PCDHGB3: variants seen among roughly 807,000 people sequenced by gnomAD.
PCDHGB3 encodes protocadherin gamma-B3.
Under a neutral mutation model 59.2 loss-of-function variants are expected in PCDHGB3, and 40 were observed. The observed-to-expected ratio is 0.68, with a 90% confidence interval of 0.52 to 0.88. The LOEUF (loss-of-function observed/expected upper bound fraction) is 0.88. Ranked by LOEUF, PCDHGB3 falls within the 40% of genes least tolerant of loss-of-function variation. The pLI is 0.00. For synonymous variants in PCDHGB3, 581 were observed against 503.6 expected, an observed-to-expected ratio of 1.15 and a Z score of -2.06; for missense variants, 1,309 against 1,187.9, an observed-to-expected ratio of 1.10 and a Z score of -1.50.
chr5:141,381,354 G>T (rs1163041754), intron 1 of PCDHGB3, among the ~76,000 whole-genome samples: 1 of 152,202 alleles, frequency 6.6e-6, no homozygotes, highest in Admixed American at 6.5e-5. Context: ...CTTTCTGCTA[G>T]CAGAGGGTAG....
intron 2 of PCDHGB3, among the ~76,000 whole-genome samples, chr5:141,502,829 C>A (rs1034808123): frequency 2.0e-5 from 3 of 150,428 alleles, no homozygotes; most frequent in African/African-American, 7.4e-5. Context: ...CTTGGGGAAG[C>A]CTGGACTGGC....
intron 1 of PCDHGB3, chr5:141,375,654 A>G (rs1771718244): frequency 6.2e-7 from 1 of 1,614,106 alleles, no homozygotes. Context: ...GACTATGAGC[A>G]GTTGAGAGAC....
rs764742899 is a variant in PCDHGB3, at chr5:141,487,062, C to T, written c.2416-7745C>T. On this transcript the variant is annotated intron_variant, in intron 1 of 3. Transcript: ENST00000576222. This position sits in a 1 kb window ranked among gnomAD's most constrained non-coding sequence, Gnocchi z 5.0. Reference sequence around the variant, plus strand: ...TCTCGATATGCTGGGGAGGTGCGGACGGCTGTTCCTATCCCAGCTGACCTC... The same window carrying T: ...TCTCGATATGCTGGGGAGGTGCGGATGGCTGTTCCTATCCCAGCTGACCTC... 2.8e-5 allele frequency: 45 copies of T among 1,613,980 alleles called. No homozygotes were observed. Among genetic ancestry groups the T allele is most frequent in the East Asian group, 1.3e-4 (6 of 44,874 alleles).
At position 141,490,148 on chromosome 5, in the gene PCDHGB3, A is replaced by G. The variant is rs2154582223; in HGVS notation, c.2416-4659A>G. The G allele has an allele frequency of 1.2e-6, 2 of 1,614,232 alleles. No homozygotes were observed. The highest frequency in any genetic ancestry group is 4.5e-5 in the East Asian group (2 of 44,888). On this transcript the variant is annotated intron_variant, in intron 1 of 3. Coordinates refer to ENST00000576222, the MANE Select transcript of PCDHGB3 (RefSeq NM_018924.5). The surrounding 1 kb of genome is among the most constrained non-coding windows in gnomAD (Gnocchi z 5.4). The stretch of plus-strand genomic sequence containing the variant: ...CTAGACCCTAGCAGTGGGGCAATCC[A>G]TGTGTTGGGTCCCATAGACTTTGAG...
At chr5:141,480,873 C>T (rs1026513782) in intron 1 of PCDHGB3, among the ~76,000 whole-genome samples, 5 of 152,050 alleles carry the variant, frequency 3.3e-5, no homozygotes, top group Non-Finnish European at 7.4e-5. Context: ...GGTGAAACCC[C>T]GTCTCTACTA....
intron 1 of PCDHGB3, chr5:141,427,102 C>T (rs1363595185): frequency 6.6e-6 from 3 of 457,858 alleles, no homozygotes; most frequent in South Asian, 3.1e-5. Flanking sequence ...GGTGTCAATG[C>T]GGAGATCACC....
At position 141,485,073 on chromosome 5, in the gene PCDHGB3, C is replaced by T. The variant is rs1167407526; in HGVS notation, c.2416-9734C>T. ...CGGCCGAACCGCGCCAGAGCTGGCG[C>T]GGGGAAAGGGAGATAGGTGTCTCCA... On this transcript the variant is annotated intron_variant, in intron 1 of 3. Transcript: ENST00000576222. The surrounding 1 kb of genome is among the most constrained non-coding windows in gnomAD (Gnocchi z 5.7). 3.3e-6 allele frequency: 3 copies of T among 922,354 alleles called. No homozygotes were observed. The highest frequency in any genetic ancestry group is 4.8e-5 in the East Asian group (2 of 41,404). 57.1% of individuals were successfully genotyped at this position (922,354 alleles called of 1,614,324 possible).
intron 1 of PCDHGB3, among the ~76,000 whole-genome samples, chr5:141,463,318 C>A (rs2099056713): frequency 6.6e-6 from 1 of 151,878 alleles, no homozygotes; most frequent in East Asian, 1.9e-4. Flanking sequence ...ATATCTATTC[C>A]TCAACTCAGC....
chr5:141,432,235 T>C lies in PCDHGB3; in HGVS notation c.2415+59426T>C, dbSNP rs1240828849. 1 of 1,614,102 alleles carries C rather than the reference T, an allele frequency of 6.2e-7. No individual in the cohort carries two copies. The highest frequency in any genetic ancestry group is 8.5e-7 in the Non-Finnish European group (1 of 1,180,050). ...ACGCCCAGATCACTTATTCCCTGGC[T>C]GAGAACACCATCCAAGGGGCAAGCC... On this transcript the variant is annotated intron_variant, in intron 1 of 3. Transcript: ENST00000576222. The surrounding 1 kb of genome is among the most constrained non-coding windows in gnomAD (Gnocchi z 6.0).
chr5:141,473,892 G>C (rs1247711441), intron 1 of PCDHGB3, among the ~76,000 whole-genome samples: 1 of 152,138 alleles, frequency 6.6e-6, no homozygotes, highest in African/African-American at 2.4e-5. Context: ...GGGTTCTGTT[G>C]GTTCATGAAG....
chr5:141,456,984 C>G (rs374156327), intron 1 of PCDHGB3, among the ~76,000 whole-genome samples: 1 of 152,200 alleles, frequency 6.6e-6, no homozygotes, highest in East Asian at 1.9e-4. Flanking sequence ...AACAAACAAA[C>G]AAACAAAAAC....
chr5:141,423,085 G>A, intron 1 of PCDHGB3: 1 of 1,614,072 alleles, frequency 6.2e-7, no homozygotes, highest in Non-Finnish European at 8.5e-7. Flanking sequence ...ACTCTTCGCG[G>A]TGGGGGAGCA....
chr5:141,390,645 G>C (rs1287845868), intron 1 of PCDHGB3: 1 of 218,998 alleles, frequency 4.6e-6, no homozygotes, highest in Admixed American at 5.3e-5. Context: ...ACTTTTTTCA[G>C]CTTGGATATA....
chr5:141,374,565 A>C, intron 1 of PCDHGB3: 1 of 1,613,688 alleles, frequency 6.2e-7, no homozygotes, highest in Non-Finnish European at 8.5e-7. Context: ...TATGACCCTG[A>C]TGTGGGAATG....
intron 1 of PCDHGB3, among the ~76,000 whole-genome samples, chr5:141,473,946 G>A (rs1399816546): frequency 6.6e-6 from 1 of 152,170 alleles, no homozygotes; most frequent in African/African-American, 2.4e-5. Context: ...GCTCAGGCCT[G>A]TAGTCCCATC....
rs1449911634 is a variant in PCDHGB3 at position 141,384,593 on chromosome 5, C to T, written c.2415+11784C>T. On this transcript the variant is annotated intron_variant, in intron 1 of 3. Transcript: ENST00000576222. ...GACAACCCGCCCGAGATCCTGTACC[C>T]GGCCCTCCCCACAGATGGTTCTACT... 3 of 1,614,252 alleles carry T rather than the reference C, an allele frequency of 1.9e-6. No individual in the cohort carries two copies. The highest frequency in any genetic ancestry group is 4.5e-5 in the East Asian group (2 of 44,888).
chr5:141,420,438 GC>G, intron 1 of PCDHGB3: 1 of 1,107,996 alleles, frequency 9.0e-7, no homozygotes, highest in Non-Finnish European at 1.2e-6. Flanking sequence ...TAAATTAAAT[GC>G]CTCAGTCTTC....
Position 141,419,025 on chromosome 5 carries a change from G to T in PCDHGB3, c.2415+46216G>T, listed in dbSNP as rs2096315076. 6.2e-6 allele frequency: 10 copies of T among 1,613,736 alleles called. No homozygotes were observed. In the East Asian group the frequency reaches 2.0e-4, roughly 32 times the overall value. On this transcript the variant is annotated intron_variant, in intron 1 of 3. Transcript: ENST00000576222. ...GAAGTCAGGTGTAGCTTAAGTAGAG[G>T]TGTTCCATTTAAGATTCATTCTTCT...
At chr5:141,498,012 A>T (rs184213306) in intron 2 of PCDHGB3, among the ~76,000 whole-genome samples, 6 of 152,348 alleles carry the variant, frequency 3.9e-5, no homozygotes, top group Non-Finnish European at 8.8e-5. Context: ...CAGTGCACTG[A>T]AGGAGACAAA....
Sources: gnomAD v4.1 joint callset for allele counts (sites outside exome capture counted in the v4.1 genomes callset) on GRCh38, gnomAD v4.1.1 for gene constraint, Gnocchi (gnomAD v3.1) non-coding constraint, MANE v1.5 for transcripts, NCBI Gene and HGNC (gene_info 2026-07-23, HGNC 2026-07-21) for gene names.